The following VANGL1 variants were observed in gnomAD, a reference collection of about 807,000 sequenced individuals.
The protein encoded by VANGL1 is VANGL planar cell polarity protein 1.
A neutral mutation model predicts 48.4 loss-of-function variants in VANGL1; 18 were observed. The observed-to-expected ratio is 0.37, with a 90% confidence interval of 0.26 to 0.55. The LOEUF is 0.55. VANGL1 is among the 20% of genes least tolerant of loss of function. VANGL1 has a pLI of 0.81. For synonymous variants in VANGL1, 257 were observed against 261.8 expected (o/e 0.98, Z 0.18); for missense variants, 667 against 675.8 (o/e 0.99, Z 0.14).
At chr1:115,642,158 C>G (rs973286298) in intron 1 of VANGL1, 72 bp downstream of exon 1, 1 of 151,810 alleles carries the variant, frequency 6.6e-6, no homozygotes, top group African/African-American at 2.4e-5. Flanking sequence ...GGAGACGCCC[C>G]CACCTCGGAC....
chr1:115,674,863 A>C (rs139747624), intron 4 of VANGL1, among the ~76,000 whole-genome samples: 156 of 152,310 alleles, frequency 1.0e-3, no homozygotes, highest in African/African-American at 3.7e-3. Context: ...ATAACATGTA[A>C]GAATACAAGT....
intron 7 of VANGL1, among the ~76,000 whole-genome samples, chr1:115,690,884 T>A (rs1653804034): frequency 6.6e-6 from 1 of 152,156 alleles, no homozygotes; most frequent in African/African-American, 2.4e-5. Flanking sequence ...CCACTATTCT[T>A]GCGCTTGGTG....
Position 115,691,759 on chromosome 1 carries a change from G to T in VANGL1, c.*380G>T. 4.8e-6 allele frequency: 1 copy of T among 206,272 alleles called. No individual in the cohort carries two copies. Among genetic ancestry groups the T allele is most frequent in the South Asian group, 9.1e-5 (1 of 10,980 alleles). 12.8% of individuals were successfully genotyped at this position (206,272 alleles called of 1,614,324 possible). A position where few individuals can be genotyped will look rare whatever the true frequency, so the allele number is the denominator to read the frequency against. On this transcript the variant is annotated 3_prime_UTR_variant, in exon 8 of 8. Coordinates refer to ENST00000355485, the MANE Select transcript of VANGL1 (RefSeq NM_138959.3). ...GTCAGCCCACTTGTAGACTTCCAGG[G>T]GACACATCTTTATTCTGTTTCAGGA...
In VANGL1 at chr1:115,642,090, A is replaced by C. The variant is rs1651753846; in HGVS notation, c.-138+4A>C. ...AGCTCGGGCGGCCGGCGCGGAGGTG[A>C]GTCCCGCGAGAGGCCGAGCGCTGCG... On this transcript the variant is annotated splice_donor_region_variant and intron_variant, in intron 1 of 7. Transcript: ENST00000355485. 6.6e-6 allele frequency: 1 copy of C among 151,252 alleles called. No individual in the cohort carries two copies. Among genetic ancestry groups the C allele is most frequent in the Non-Finnish European group, 1.5e-5 (1 of 67,770 alleles). 9.4% of individuals were successfully genotyped at this position (151,252 alleles called of 1,614,324 possible).
intron 2 of VANGL1, among the ~76,000 whole-genome samples, chr1:115,653,466 G>A (rs948793127): frequency 1.3e-5 from 2 of 152,112 alleles, no homozygotes; most frequent in African/African-American, 4.8e-5. Flanking sequence ...TCAATACCAG[G>A]CTTCCCTCAT....
intron 7 of VANGL1, 125 bp from the exon 8 acceptor site, chr1:115,690,994 G>T: frequency 7.6e-7 from 1 of 1,322,474 alleles, no homozygotes; most frequent in Non-Finnish European, 1.1e-6. Context: ...GATGAGCTGG[G>T]CTCTGGTCTA....
intron 4 of VANGL1, among the ~76,000 whole-genome samples, chr1:115,677,370 C>T (rs1653207377): frequency 6.6e-6 from 1 of 152,160 alleles, no homozygotes; most frequent in Non-Finnish European, 1.5e-5. Context: ...TTTCTCATTC[C>T]ACCCTCTTTG....
At chr1:115,679,838 G>A (rs1182329603) in intron 4 of VANGL1, among the ~76,000 whole-genome samples, 2 of 152,094 alleles carry the variant, frequency 1.3e-5, no homozygotes, top group Non-Finnish European at 2.9e-5. Flanking sequence ...TATCAGTGGA[G>A]GAGGGGGGAT....
rs1416893946 is a variant in VANGL1, at chr1:115,691,444, C to G, written c.*65C>G. ...ATATATAGAGAGATATATATCTATG[C>G]CAGAGGGGTGTCTTTTTTAAAAATT... On this transcript the variant is annotated 3_prime_UTR_variant, in exon 8 of 8. Transcript: ENST00000355485. 6.7e-7 allele frequency: 1 copy of G among 1,501,888 alleles called. No homozygotes were observed. The highest frequency in any genetic ancestry group is 2.1e-5 in the Admixed American group (1 of 47,322). The allele number at this position is 1,501,888 out of a possible 1,614,324, so 93.0% of individuals were successfully genotyped here. A position where few individuals can be genotyped will look rare whatever the true frequency, so the allele number is the denominator to read the frequency against.
chr1:115,677,534 T>C (rs1194201272), intron 4 of VANGL1, among the ~76,000 whole-genome samples: 1 of 152,188 alleles, frequency 6.6e-6, no homozygotes, highest in East Asian at 1.9e-4. Flanking sequence ...CTGAAGCCTA[T>C]TGAGGAGGTT....
chr1:115,651,632 T>C (rs1326278747), intron 2 of VANGL1, 148 bp downstream of exon 2: 2 of 708,266 alleles, frequency 2.8e-6, no homozygotes, highest in Non-Finnish European at 5.0e-6. Context: ...TTTAACATTC[T>C]TGGGAGTAAC....
At chr1:115,656,175 A>T (rs993243394) in intron 2 of VANGL1, among the ~76,000 whole-genome samples, 5 of 152,150 alleles carry the variant, frequency 3.3e-5, no homozygotes, top group Non-Finnish European at 7.3e-5. Flanking sequence ...CTCAGTCATG[A>T]CTGCACACTG....
At position 115,694,055 on chromosome 1, in the gene VANGL1, A is replaced by G. The variant is rs1473462089; in HGVS notation, c.*2676A>G. ...CTGGTGATGTTTTAACTGGTAGATA[A>G]TTTGTTCTTAAATATGTACTTTTGA... On this transcript the variant is annotated 3_prime_UTR_variant, in exon 8 of 8. Coordinates refer to ENST00000355485, the MANE Select transcript of VANGL1 (RefSeq NM_138959.3). 13 of 152,202 alleles carry G rather than the reference A, an allele frequency of 8.5e-5. No homozygotes were observed. Among genetic ancestry groups the G allele is most frequent in the Admixed American group, 8.5e-4 (13 of 15,284 alleles). 9.4% of individuals were successfully genotyped at this position (152,202 alleles called of 1,614,324 possible). A position where few individuals can be genotyped will look rare whatever the true frequency, so the allele number is the denominator to read the frequency against.
rs755221419 is a variant in VANGL1, at chr1:115,663,961, G to A, written c.505G>A (p.Ala169Thr). 5.0e-6 allele frequency: 8 copies of A among 1,614,190 alleles called. 1 individual carries two copies. Among genetic ancestry groups the A allele is most frequent in the African/African-American group, 2.7e-5 (2 of 75,048 alleles). ...CCTCATTCTGCTCATAGGGACCTGG[G>A]CACTTTTTTTCCGCAAGCGGAGAGC... ...KLLILLIGTW[A>T]LFFRKRRADM... Residue 169 changes from alanine (A) to threonine (T), a missense_variant, in exon 4 of 8, where the codon GCA becomes ACA. Coordinates refer to ENST00000355485, the MANE Select transcript of VANGL1 (RefSeq NM_138959.3).
rs541865529 is a variant in VANGL1, at chr1:115,667,063, G to A, written c.812+2795G>A. On this transcript the variant is annotated intron_variant, in intron 4 of 7. Coordinates refer to ENST00000355485, the MANE Select transcript of VANGL1 (RefSeq NM_138959.3). ...AGCGGGAATAGACAAAGCAAGCCTC[G>A]GAAATCAGAATAGCAGGTCTCCATT... 4.6e-5 allele frequency among the ~76,000 whole-genome samples: 7 copies of A among 152,310 alleles called. No homozygotes were observed. The South Asian group carries it at 6.2e-4, about 14-fold the overall frequency.
intron 3 of VANGL1, among the ~76,000 whole-genome samples, chr1:115,661,908 G>A (rs1237746424): frequency 1.3e-5 from 2 of 152,152 alleles, no homozygotes; most frequent in East Asian, 1.9e-4. Flanking sequence ...GTGAGCCACC[G>A]TGCCTGGCTG....
chr1:115,652,869 G>T (rs1014353824), intron 2 of VANGL1, among the ~76,000 whole-genome samples: 1 of 152,196 alleles, frequency 6.6e-6, no homozygotes, highest in Non-Finnish European at 1.5e-5. Context: ...GCAGAAGCTG[G>T]AGAATGATGG....
At chr1:115,683,068 C>T (rs1653450258) in intron 5 of VANGL1, among the ~76,000 whole-genome samples, 1 of 151,544 alleles carries the variant, frequency 6.6e-6, no homozygotes, top group African/African-American at 2.4e-5. Flanking sequence ...ACTTTGCAAA[C>T]CCTAGGAGAG....
At chr1:115,660,155 A>G (rs776637665) in intron 3 of VANGL1, among the ~76,000 whole-genome samples, 5 of 152,204 alleles carry the variant, frequency 3.3e-5, no homozygotes, top group Non-Finnish European at 7.3e-5. Flanking sequence ...GACCATTACT[A>G]CTAGAGCTAT....
Sources: gnomAD v4.1 joint callset for allele counts (sites outside exome capture counted in the v4.1 genomes callset) on GRCh38, gnomAD v4.1.1 for gene constraint, MANE v1.5 for transcripts, NCBI Gene and HGNC (gene_info 2026-07-23, HGNC 2026-07-21) for gene names.